METAP2: variants seen among roughly 807,000 people sequenced by gnomAD.
METAP2 encodes the protein methionine aminopeptidase 2.
In METAP2, 25 loss-of-function variants were observed where a neutral mutation model predicts 59.4. That is an observed-to-expected ratio of 0.42 (90% CI 0.31 to 0.59). The LOEUF (loss-of-function observed/expected upper bound fraction) is 0.59, where lower values mean the gene tolerates loss of function less well. Ranked by LOEUF, METAP2 falls within the 20% of genes least tolerant of loss-of-function variation. The probability of loss-of-function intolerance (pLI) is 0.16; values close to 1 mark genes in which losing one functional copy is unlikely to be tolerated. For synonymous variants in METAP2, 214 were observed against 194.1 expected, an observed-to-expected ratio of 1.10 and a Z score of -0.85; for missense variants, 366 against 581.2, an observed-to-expected ratio of 0.63 and a Z score of 3.81.
At chr12:95,476,246 C>T in intron 2 of METAP2, 68 bp downstream of exon 2, 1 of 998,292 alleles carries the variant, frequency 1.0e-6, no homozygotes, top group Admixed American at 2.5e-5. Flanking sequence ...GTGGCACACA[C>T]CTGTAATCCC....
rs368397930 is a variant in METAP2 at position 95,507,063 on chromosome 12, C to T, written c.964+2902C>T. Among the ~76,000 whole-genome samples, 77 of 152,176 alleles carry T rather than the reference C, an allele frequency of 5.1e-4. No homozygotes were observed. In the South Asian group the frequency reaches 0.015, roughly 30 times the overall value. ...GATTACAGGCGTGAGCCACTGTACC[C>T]GGCCCAGAATACTCTTGATGTTACT... On this transcript the variant is annotated intron_variant, in intron 8 of 10. Transcript: ENST00000323666.
At position 95,501,401 on chromosome 12, in the gene METAP2, A is replaced by G. The variant is rs117949377; in HGVS notation, c.868-2664A>G. 5.8e-3 allele frequency among the ~76,000 whole-genome samples: 879 copies of G among 152,330 alleles called. 2 individuals carry two copies. Among genetic ancestry groups the G allele is most frequent in the Middle Eastern group, 0.017 (5 of 294 alleles). On this transcript the variant is annotated intron_variant, in intron 7 of 10. Coordinates refer to ENST00000323666, the MANE Select transcript of METAP2 (RefSeq NM_006838.4). ...AATATGGAATTATAAACCAAAGTTA[A>G]TAATAATACTAGCTTTTAGAATAAA... is the stretch of plus-strand genomic sequence containing the variant.
chr12:95,488,217 C>T (rs1231317586), intron 4 of METAP2, among the ~76,000 whole-genome samples: 2 of 151,796 alleles, frequency 1.3e-5, no homozygotes, highest in African/African-American at 2.4e-5. Context: ...TTCTGAGTTC[C>T]GGCCAGGCAT....
rs756280550 is a variant in METAP2 at position 95,474,215 on chromosome 12, C to T, written c.36C>T (p.Ser12=). The T allele has an allele frequency of 6.2e-7, 1 of 1,614,130 alleles. No individual in the cohort carries two copies. Among genetic ancestry groups the T allele is most frequent in the East Asian group, 2.2e-5 (1 of 44,864 alleles). ...AGVEEVAASG[S]HLNGDLDPDD... Reference sequence around the variant, plus strand: ...TGGAGGAGGTAGCGGCCTCCGGGAGCCACCTGAATGGCGACCTGGATCCAG... The same window carrying T: ...TGGAGGAGGTAGCGGCCTCCGGGAGTCACCTGAATGGCGACCTGGATCCAG... The change falls in exon 1 of 11, where the codon AGC becomes AGT. Residue 12 remains serine (S), a synonymous_variant. Coordinates refer to ENST00000323666, the MANE Select transcript of METAP2 (RefSeq NM_006838.4).
chr12:95,495,254 C>G, intron 6 of METAP2, 116 bp downstream of exon 6: 1 of 858,832 alleles, frequency 1.2e-6, no homozygotes, highest in Non-Finnish European at 1.7e-6. Flanking sequence ...TTCCTCATTT[C>G]ATTAGGAAAG....
At chr12:95,512,067 G>T in intron 9 of METAP2, 69 bp downstream of exon 9, 2 of 1,099,448 alleles carry the variant, frequency 1.8e-6, no homozygotes, top group Non-Finnish European at 2.7e-6. Flanking sequence ...GGTCATGGTA[G>T]TTAAATATAT....
chr12:95,513,948 G>A lies in METAP2; in HGVS notation c.*44G>A. 1 of 1,562,816 alleles carries A rather than the reference G, an allele frequency of 6.4e-7. No homozygotes were observed. Among genetic ancestry groups the A allele is most frequent in the Non-Finnish European group, 8.7e-7 (1 of 1,153,830 alleles). On this transcript the variant is annotated 3_prime_UTR_variant, in exon 11 of 11. Coordinates refer to ENST00000323666, the MANE Select transcript of METAP2 (RefSeq NM_006838.4). ...TCAACACCTTTATTTTCTGAGCTTT[G>A]TTGGAAAACATGATACCAGAATTAA...
chr12:95,475,232 G>A (rs2076109409), intron 1 of METAP2, among the ~76,000 whole-genome samples: 2 of 152,186 alleles, frequency 1.3e-5, no homozygotes, highest in South Asian at 2.1e-4. Flanking sequence ...AGTCAGAAGC[G>A]ATTAAGATGG....
At chr12:95,493,475 TAAA>T (rs2076254255) in intron 4 of METAP2, among the ~76,000 whole-genome samples, 1 of 152,134 alleles carries the variant, frequency 6.6e-6, no homozygotes, top group Non-Finnish European at 1.5e-5. Flanking sequence ...CCCTGTCTCT[TAAA>T]AAAGAAATTC....
intron 8 of METAP2, among the ~76,000 whole-genome samples, chr12:95,505,832 C>CG (rs2076354879): frequency 6.6e-6 from 1 of 151,330 alleles, no homozygotes; most frequent in East Asian, 2.0e-4. Context: ...TGGTGGCTCA[C>CG]GCCTGTAATC....
chr12:95,504,040 A>T, intron 7 of METAP2, 25 bp from the exon 8 acceptor site: 1 of 1,565,350 alleles, frequency 6.4e-7, no homozygotes, highest in Non-Finnish European at 8.7e-7. Context: ...TTTGAATAAT[A>T]AAGCATATGT....
intron 2 of METAP2, among the ~76,000 whole-genome samples, chr12:95,482,593 A>T (rs1170418258): frequency 6.6e-6 from 1 of 150,486 alleles, no homozygotes; most frequent in African/African-American, 2.5e-5. Flanking sequence ...AGCCTGGTCA[A>T]CATGGCGAAA....
chr12:95,512,742 T>C, intron 9 of METAP2, 59 bp from the exon 10 acceptor site: 6 of 897,690 alleles, frequency 6.7e-6, no homozygotes, highest in Non-Finnish European at 9.1e-6. Context: ...GAGATGGTAA[T>C]TGTGATTCGT....
intron 8 of METAP2, among the ~76,000 whole-genome samples, chr12:95,504,636 T>C (rs2076344370): frequency 6.6e-6 from 1 of 152,026 alleles, no homozygotes; most frequent in African/African-American, 2.4e-5. Context: ...CCCGGGTAGT[T>C]GGGACTACAG....
intron 4 of METAP2, among the ~76,000 whole-genome samples, chr12:95,493,766 C>A (rs1385021255): frequency 1.3e-5 from 2 of 152,184 alleles, no homozygotes; most frequent in Admixed American, 6.5e-5. Context: ...ACTCTTCAGA[C>A]TTTTCTGATT....
Position 95,496,109 on chromosome 12 carries a change from T to C in METAP2, c.867+11T>C, listed in dbSNP as rs1237567030. 4.0e-6 allele frequency: 6 copies of C among 1,488,500 alleles called. No individual in the cohort carries two copies. Among genetic ancestry groups the C allele is most frequent in the Non-Finnish European group, 4.6e-6 (5 of 1,079,054 alleles). 92.2% of individuals were successfully genotyped at this position (1,488,500 alleles called of 1,614,324 possible). ...AACACTGGAATAAAGGTATGTGAAC[T>C]GTAAGCACCATTTCATTCCCAATAT... On this transcript the variant is annotated intron_variant, in intron 7 of 10. Coordinates refer to ENST00000323666, the MANE Select transcript of METAP2 (RefSeq NM_006838.4).
chr12:95,504,445 G>C (rs947495328), intron 8 of METAP2, among the ~76,000 whole-genome samples: 4 of 152,156 alleles, frequency 2.6e-5, no homozygotes, highest in Admixed American at 6.6e-5. Context: ...AGAGAAGCCA[G>C]GTCTCTTGCC....
chr12:95,494,685 AAGTT>A (rs71082026), intron 5 of METAP2, among the ~76,000 whole-genome samples: 14,217 of 152,204 alleles, frequency 0.093, 696 homozygotes, highest in East Asian at 0.19. Flanking sequence ...AAATTGGTCT[AAGTT>A]AGACTCTTAT....
intron 6 of METAP2, among the ~76,000 whole-genome samples, chr12:95,495,773 C>T (rs1023086213): frequency 4.6e-5 from 7 of 152,044 alleles, no homozygotes; most frequent in African/African-American, 1.4e-4. Flanking sequence ...CTGGTGCTGT[C>T]TTGGGGTAAT....
Sources: gnomAD v4.1 joint callset for allele counts (sites outside exome capture counted in the v4.1 genomes callset) on GRCh38, gnomAD v4.1.1 for gene constraint, MANE v1.5 for transcripts, NCBI Gene and HGNC (gene_info 2026-07-23, HGNC 2026-07-21) for gene names.